The following GPATCH1 variants were observed in gnomAD, a reference collection of about 807,000 sequenced individuals.
GPATCH1 encodes G patch domain-containing protein 1.
Under a neutral mutation model 114.9 loss-of-function variants are expected in GPATCH1, and 73 were observed. The observed-to-expected ratio is 0.64, with a 90% confidence interval of 0.53 to 0.77. The LOEUF (loss-of-function observed/expected upper bound fraction) is 0.77, where lower values mean the gene tolerates loss of function less well. GPATCH1 is among the 30% of genes least tolerant of loss of function. The probability of loss-of-function intolerance (pLI) is 0.00; values close to 1 mark genes in which losing one functional copy is unlikely to be tolerated. For missense variants in GPATCH1, 1,058 were observed against 1,144.3 expected, an observed-to-expected ratio of 0.92 and a Z score of 1.09; for synonymous variants, 391 against 428.4, an observed-to-expected ratio of 0.91 and a Z score of 1.08.
chr19:33,093,543 A>C, intron 4 of GPATCH1, 24 bp downstream of exon 4: 1 of 1,602,880 alleles, frequency 6.2e-7, no homozygotes, highest in Non-Finnish European at 8.5e-7. Context: ...TCTGACTGTC[A>C]TGATCTTAGC....
At chr19:33,104,469 G>A (rs567635135) in intron 9 of GPATCH1, among the ~76,000 whole-genome samples, 1 of 152,230 alleles carries the variant, frequency 6.6e-6, no homozygotes, top group East Asian at 1.9e-4. Context: ...GCTGATTTGG[G>A]GGTGTGTCTC....
chr19:33,092,422 C>A (rs1972606886), intron 3 of GPATCH1, among the ~76,000 whole-genome samples: 1 of 152,094 alleles, frequency 6.6e-6, no homozygotes, highest in African/African-American at 2.4e-5. Context: ...TTTGCTTGCA[C>A]AAATTGTTTT....
intron 12 of GPATCH1, among the ~76,000 whole-genome samples, 156 bp downstream of exon 12, chr19:33,112,058 T>C (rs1332212726): frequency 6.6e-6 from 1 of 151,294 alleles, no homozygotes; most frequent in South Asian, 2.1e-4. Flanking sequence ...CTCCGCTTCC[T>C]GGGTTCAAGC....
At chr19:33,125,394 G>A (rs904645360) in intron 18 of GPATCH1, among the ~76,000 whole-genome samples, 192 bp downstream of exon 18, 1 of 150,730 alleles carries the variant, frequency 6.6e-6, no homozygotes, top group Admixed American at 6.6e-5. Context: ...GCACTTAAAC[G>A]CCCCCCCGCT....
chr19:33,111,738 T>C lies in GPATCH1; in HGVS notation c.1600T>C (p.Cys534Arg). Residue 534 changes from cysteine (C) to arginine (R), a missense_variant, in exon 12 of 20, where the codon TGT (cysteine) becomes CGT (arginine). Around this residue, in one of 3 missense-constraint regions of GPATCH1, gnomAD observed 893 missense variants for 977.4 expected, o/e 0.91. Coordinates refer to ENST00000170564, the MANE Select transcript of GPATCH1 (RefSeq NM_018025.3). ...KQGQKDALER[C>R]LDPSMTEWER... ...TGCCCCCGCAGATGCTCTGGAACGC[T>C]GTCTGGACCCCAGCATGACAGAGTG... 5.0e-6 allele frequency: 8 copies of C among 1,614,044 alleles called. No individual in the cohort carries two copies. Among genetic ancestry groups the C allele is most frequent in the Non-Finnish European group, 6.8e-6 (8 of 1,180,014 alleles).
chr19:33,105,872 C>T (rs868207409), intron 9 of GPATCH1, among the ~76,000 whole-genome samples: 1 of 150,680 alleles, frequency 6.6e-6, no homozygotes, highest in Non-Finnish European at 1.5e-5. Context: ...GAGACGGAGT[C>T]TCGCTCTGTT....
intron 15 of GPATCH1, among the ~76,000 whole-genome samples, chr19:33,117,586 G>T (rs559272358): frequency 6.6e-6 from 1 of 152,066 alleles, no homozygotes; most frequent in Non-Finnish European, 1.5e-5. Context: ...GAGCCACCAC[G>T]CCTGGCCCGG....
intron 2 of GPATCH1, among the ~76,000 whole-genome samples, chr19:33,088,780 C>T (rs572836290): frequency 7.9e-5 from 12 of 151,806 alleles, no homozygotes; most frequent in Non-Finnish European, 1.8e-4. Flanking sequence ...CCTCAGCCTC[C>T]CAAGTAGGTG....
rs755093290 is a variant in GPATCH1 at position 33,097,711 on chromosome 19, T to C, written c.853-44T>C. 1.0e-5 allele frequency: 16 copies of C among 1,586,172 alleles called. No individual in the cohort carries two copies. The East Asian group carries it at 3.6e-4, about 35-fold the overall frequency. On this transcript the variant is annotated intron_variant, in intron 7 of 19. Transcript: ENST00000170564. ...GCTTTATCCCTGAAGATCCCAGACA[T>C]ACCCTAACACCTGTGCTCAGTTTGA...
At chr19:33,093,027 A>AT (rs1261519347) in intron 3 of GPATCH1, among the ~76,000 whole-genome samples, 3 of 152,102 alleles carry the variant, frequency 2.0e-5, no homozygotes, top group Admixed American at 6.6e-5. Flanking sequence ...CATCTATACT[A>AT]AAAACAAACA....
intron 3 of GPATCH1, 75 bp downstream of exon 3, chr19:33,090,940 TC>T: frequency 1.2e-6 from 1 of 842,726 alleles, no homozygotes; most frequent in Non-Finnish European, 2.0e-6. Context: ...GCCTTCTCTC[TC>T]CCCAGAAGGT....
chr19:33,127,096 C>T (rs1973049937), intron 19 of GPATCH1, among the ~76,000 whole-genome samples: 2 of 151,584 alleles, frequency 1.3e-5, no homozygotes, highest in African/African-American at 4.9e-5. Flanking sequence ...TATCGTACCA[C>T]TACACTCCAG....
chr19:33,102,968 T>G (rs1972744100), intron 9 of GPATCH1, among the ~76,000 whole-genome samples: 1 of 152,152 alleles, frequency 6.6e-6, no homozygotes, highest in Admixed American at 6.6e-5. Flanking sequence ...TCTGCGTGCC[T>G]TTGCAGATTG....
intron 7 of GPATCH1, 134 bp downstream of exon 7, chr19:33,096,580 C>T (rs1418599373): frequency 2.8e-6 from 2 of 714,366 alleles, no homozygotes; most frequent in Admixed American, 6.8e-5. Context: ...GTCAAAGATT[C>T]TTTCTTAAAA....
intron 8 of GPATCH1, among the ~76,000 whole-genome samples, chr19:33,099,931 C>G (rs915749044): frequency 6.6e-6 from 1 of 151,766 alleles, no homozygotes; most frequent in Non-Finnish European, 1.5e-5. Context: ...CTACCACGCC[C>G]AGCTAATTTT....
In GPATCH1 at chr19:33,106,789, AG is replaced by A. The variant is rs1296869479; in HGVS notation, c.1177del (p.Val393TyrfsTer21). 1.9e-6 allele frequency: 3 copies of A among 1,613,754 alleles called. No homozygotes were observed. In the African/African-American group the frequency reaches 4.0e-5, roughly 22 times the overall value. ...AATSENSHLL[Q>X]VLSESAGKAT... ...ACCTCCGAGAACTCACACTTACTGCAGGTATTATCAGAGTCAGCTGGAAAGG... is the reference window on the plus strand; with the variant it reads ...ACCTCCGAGAACTCACACTTACTGCAGTATTATCAGAGTCAGCTGGAAAGG... On this transcript the variant is annotated frameshift_variant, in exon 10 of 20. Transcript: ENST00000170564. LOFTEE classifies it high-confidence loss of function.
intron 1 of GPATCH1, 118 bp from the exon 2 acceptor site, chr19:33,088,016 A>T: frequency 5.3e-6 from 3 of 567,616 alleles, no homozygotes; most frequent in Non-Finnish European, 8.9e-6. Flanking sequence ...AAATGATTAT[A>T]TTTGAATTAT....
intron 17 of GPATCH1, among the ~76,000 whole-genome samples, chr19:33,124,608 T>C (rs1973019715): frequency 1.3e-5 from 2 of 152,200 alleles, no homozygotes; most frequent in Admixed American, 1.3e-4. Flanking sequence ...GCTTCGAGAA[T>C]CATGGACATG....
Position 33,096,337 on chromosome 19 carries a change from T to C in GPATCH1, c.743T>C (p.Phe248Ser). The C allele has an allele frequency of 6.2e-7, 1 of 1,614,166 alleles. No homozygotes were observed. Among genetic ancestry groups the C allele is most frequent in the Non-Finnish European group, 8.5e-7 (1 of 1,180,028 alleles). Reference sequence around the variant, plus strand: ...GGCCTGGATCCCCACCAGGCACTGTTTGGAACTTCGGGAGAACATTTTAAT... The same window carrying C: ...GGCCTGGATCCCCACCAGGCACTGTCTGGAACTTCGGGAGAACATTTTAAT... Reference protein sequence around the residue: ...YKGLDPHQALFGTSGEHFNLF... With the variant: ...YKGLDPHQALSGTSGEHFNLF... The change falls in exon 7 of 20, where the codon TTT (phenylalanine) becomes TCT (serine). Residue 248 changes from phenylalanine (F) to serine (S), a missense_variant. Physicochemically the swap from Phe to Ser is radical, Grantham distance 155. This residue lies in a region of GPATCH1 where 893 missense variants were observed against 977.4 expected (regional missense o/e 0.91). Coordinates refer to ENST00000170564, the MANE Select transcript of GPATCH1 (RefSeq NM_018025.3).
Sources: gnomAD v4.1 joint callset for allele counts (sites outside exome capture counted in the v4.1 genomes callset) on GRCh38, gnomAD v4.1.1 for gene constraint, gnomAD v4.1.1 regional missense constraint, MANE v1.5 for transcripts, NCBI Gene and HGNC (gene_info 2026-07-23, HGNC 2026-07-21) for gene names.